RABGAP1L: variants seen among roughly 807,000 people sequenced by gnomAD.
The protein encoded by RABGAP1L is rab GTPase-activating protein 1-like.
A neutral mutation model predicts 137.7 loss-of-function variants in RABGAP1L; 63 were observed. The observed-to-expected ratio is 0.46, with a 90% confidence interval of 0.37 to 0.56. RABGAP1L has a LOEUF of 0.56. Ranked by LOEUF, RABGAP1L falls within the 20% of genes least tolerant of loss-of-function variation. RABGAP1L has a pLI of 0.00. For synonymous variants in RABGAP1L, 431 were observed against 433.7 expected, an observed-to-expected ratio of 0.99 and a Z score of 0.08; for missense variants, 1,095 against 1,244.0, an observed-to-expected ratio of 0.88 and a Z score of 1.80.
intron 13 of RABGAP1L, among the ~76,000 whole-genome samples, chr1:174,532,355 C>T (rs1194138690): frequency 1.3e-5 from 2 of 151,660 alleles, no homozygotes; most frequent in African/African-American, 4.8e-5. Context: ...ACTACAGGTG[C>T]GCACCACCAC....
Position 174,765,059 on chromosome 1 carries a change from C to G in RABGAP1L, c.2211+12705C>G, listed in dbSNP as rs181053235. 8.1e-4 allele frequency among the ~76,000 whole-genome samples: 124 copies of G among 152,360 alleles called. 1 individual carries two copies. The highest frequency in any genetic ancestry group is 7.8e-3 in the Admixed American group (120 of 15,304). On this transcript the variant is annotated intron_variant, in intron 18 of 25. Transcript: ENST00000681986. ...TCTCATCTGTCCGTGTCAATCTCAT[C>G]TGTCCGTGTTTGACCATGGCTGCAA...
intron 13 of RABGAP1L, among the ~76,000 whole-genome samples, chr1:174,509,492 A>T (rs1409431556): frequency 6.6e-6 from 1 of 151,934 alleles, no homozygotes; most frequent in African/African-American, 2.4e-5. Flanking sequence ...TTATGTTCTT[A>T]GCTCTCTGAC....
intron 19 of RABGAP1L, among the ~76,000 whole-genome samples, chr1:174,915,896 T>C (rs1346935776): frequency 2.0e-5 from 3 of 152,286 alleles, no homozygotes; most frequent in Admixed American, 2.0e-4. Context: ...ATTAATGGTG[T>C]GTTTTGAAAA....
chr1:174,649,724 T>A (rs9425784), intron 14 of RABGAP1L, among the ~76,000 whole-genome samples: 1 of 152,002 alleles, frequency 6.6e-6, no homozygotes, highest in Non-Finnish European at 1.5e-5. Context: ...ATTAGCTTAA[T>A]GAGATTTTGG....
At chr1:174,674,761 C>G (rs1267178166) in intron 14 of RABGAP1L, among the ~76,000 whole-genome samples, 3 of 152,076 alleles carry the variant, frequency 2.0e-5, no homozygotes, top group Admixed American at 2.0e-4. Context: ...TGTTTCCTAA[C>G]TTTTTAATGA....
rs202130951 is a variant in RABGAP1L, at chr1:174,550,995, T to C, written c.1711-86380T>C. Among the ~76,000 whole-genome samples the C allele has an allele frequency of 4.3e-3, 274 of 64,408 alleles. 10 individuals are homozygous for C. The highest frequency in any genetic ancestry group is 0.032 in the East Asian group (108 of 3,384). 42.3% of individuals were successfully genotyped at this position (64,408 alleles called of 152,430 possible). A position where few individuals can be genotyped will look rare whatever the true frequency, so the allele number is the denominator to read the frequency against. The stretch of plus-strand genomic sequence containing the variant: ...ACATGTATATATACATATATATATA[T>C]ACACATATATATATATATATATATA... On this transcript the variant is annotated intron_variant, in intron 13 of 25. Coordinates refer to ENST00000681986, the MANE Select transcript of RABGAP1L (RefSeq NM_001366446.1).
intron 12 of RABGAP1L, among the ~76,000 whole-genome samples, chr1:174,383,511 G>C (rs564506737): frequency 1.3e-5 from 2 of 152,084 alleles, no homozygotes; most frequent in Non-Finnish European, 2.9e-5. Context: ...TTTTTAAGCC[G>C]GTCTGGAAAG....
intron 14 of RABGAP1L, among the ~76,000 whole-genome samples, chr1:174,649,718 G>T (rs945597336): frequency 6.6e-6 from 1 of 152,106 alleles, no homozygotes; most frequent in African/African-American, 2.4e-5. Context: ...GTGCTTATTA[G>T]CTTAATGAGA....
intron 19 of RABGAP1L, among the ~76,000 whole-genome samples, chr1:174,900,053 G>A (rs547830816): frequency 4.6e-5 from 7 of 152,150 alleles, no homozygotes; most frequent in Non-Finnish European, 8.8e-5. Context: ...ACTCAATTTG[G>A]GAAAAACAAA....
At chr1:174,378,586 C>T (rs1417187408) in intron 12 of RABGAP1L, among the ~76,000 whole-genome samples, 27 of 151,726 alleles carry the variant, frequency 1.8e-4, no homozygotes, top group Admixed American at 7.2e-4. Context: ...AATGTCTTCT[C>T]TTGAGAAGTG....
chr1:174,686,150 A>G (rs1246247078), intron 15 of RABGAP1L, among the ~76,000 whole-genome samples: 1 of 152,232 alleles, frequency 6.6e-6, no homozygotes, highest in Non-Finnish European at 1.5e-5. Context: ...CGAGAGGCCA[A>G]ACAAGTTTAA....
At chr1:174,827,528 C>G (rs1196123722) in intron 19 of RABGAP1L, among the ~76,000 whole-genome samples, 1 of 130,928 alleles carries the variant, frequency 7.6e-6, no homozygotes, top group African/African-American at 2.7e-5. Context: ...CTCAATTTCT[C>G]TGAAAACATT....
intron 13 of RABGAP1L, among the ~76,000 whole-genome samples, chr1:174,557,720 T>C (rs1666966094): frequency 6.6e-6 from 1 of 152,236 alleles, no homozygotes; most frequent in Non-Finnish European, 1.5e-5. Flanking sequence ...CTCTGGAGAC[T>C]AAACTGCCTG....
chr1:174,195,653 CT>C (rs143375200), intron 1 of RABGAP1L, among the ~76,000 whole-genome samples: 20,573 of 76,602 alleles, frequency 0.27, 3,362 homozygotes, highest in Middle Eastern at 0.4. Context: ...TCCTTCCTTC[CT>C]TTCCTTTCCT....
At chr1:174,173,112 TC>T (rs2148243477) in intron 1 of RABGAP1L, among the ~76,000 whole-genome samples, 1 of 152,158 alleles carries the variant, frequency 6.6e-6, no homozygotes, top group East Asian at 1.9e-4. Context: ...TTTTGCTTTT[TC>T]CCCTCCAAGT....
chr1:174,465,809 T>A (rs1344866376), intron 13 of RABGAP1L, among the ~76,000 whole-genome samples: 2 of 152,192 alleles, frequency 1.3e-5, no homozygotes, highest in African/African-American at 4.8e-5. Flanking sequence ...TTGGCACTTT[T>A]AACATATGAT....
chr1:174,525,124 T>A (rs890640833), intron 13 of RABGAP1L, among the ~76,000 whole-genome samples: 15 of 152,102 alleles, frequency 9.9e-5, no homozygotes, highest in Non-Finnish European at 4.4e-5. Context: ...TTGGCCATCC[T>A]GGCTCTTTTT....
intron 13 of RABGAP1L, among the ~76,000 whole-genome samples, chr1:174,430,327 C>T: frequency 6.6e-6 from 1 of 150,584 alleles, no homozygotes; most frequent in Non-Finnish European, 1.5e-5. Context: ...CACTGCACTC[C>T]AGCCTAGATG....
At chr1:174,383,760 C>T (rs1320877306) in intron 12 of RABGAP1L, among the ~76,000 whole-genome samples, 1 of 152,184 alleles carries the variant, frequency 6.6e-6, no homozygotes, top group Non-Finnish European at 1.5e-5. Flanking sequence ...CTGCGTCGCT[C>T]ATGCTGGGAG....
Sources: gnomAD v4.1 joint callset for allele counts (sites outside exome capture counted in the v4.1 genomes callset) on GRCh38, gnomAD v4.1.1 for gene constraint, MANE v1.5 for transcripts, NCBI Gene and HGNC (gene_info 2026-07-23, HGNC 2026-07-21) for gene names.